GOLGA5: variants seen among roughly 807,000 people sequenced by gnomAD.
GOLGA5 encodes the protein golgin A5, also known as golgin subfamily A member 5.
GOLGA5 carries 50 observed loss-of-function variants against 93.5 expected under a neutral mutation model. The observed-to-expected ratio is 0.53, with a 90% CI of 0.43 to 0.68. The LOEUF (loss-of-function observed/expected upper bound fraction) is 0.68, where lower values mean the gene tolerates loss of function less well. Among genes scored for constraint, GOLGA5 ranks in the 30% least tolerant of loss-of-function variants. The pLI is 0.00. For missense variants in GOLGA5, 760 were observed against 856.4 expected (o/e 0.89, Z 1.40); for synonymous variants, 312 against 304.5 (o/e 1.02, Z -0.26).
Position 92,839,690 on chromosome 14 carries a change from C to T in GOLGA5, c.*244C>T. Reference sequence around the variant, plus strand: ...TCTGCTTTATCTGAGTTTAGTGGTCCTAATATATATGTAGAGAAAGATGGT... The same window carrying T: ...TCTGCTTTATCTGAGTTTAGTGGTCTTAATATATATGTAGAGAAAGATGGT... On this transcript the variant is annotated 3_prime_UTR_variant, in exon 13 of 13. Coordinates refer to ENST00000163416, the MANE Select transcript of GOLGA5 (RefSeq NM_005113.4). 1.8e-6 allele frequency: 1 copy of T among 546,306 alleles called. No homozygotes were observed. Among genetic ancestry groups the T allele is most frequent in the Admixed American group, 3.2e-5 (1 of 30,798 alleles). The allele number at this position is 546,306 out of a possible 1,614,324, so 33.8% of individuals were successfully genotyped here.
intron 6 of GOLGA5, 94 bp downstream of exon 6, chr14:92,811,848 T>A: frequency 1.1e-6 from 1 of 879,418 alleles, no homozygotes; most frequent in Non-Finnish European, 1.9e-6. Flanking sequence ...GGTGCTTTGT[T>A]CATGTTCGTC....
chr14:92,811,491 T>G lies in GOLGA5; in HGVS notation c.1117-60T>G, dbSNP rs994209838. The G allele has an allele frequency of 7.4e-5, 84 of 1,136,006 alleles. No individual in the cohort carries two copies. The East Asian group carries it at 1.9e-3, about 26-fold the overall frequency. 70.4% of individuals were successfully genotyped at this position (1,136,006 alleles called of 1,614,324 possible). ...CCCATAAGATATCCGAATGGATGGT[T>G]GTAAAATATGTTTCAAAGCTAAATG... On this transcript the variant is annotated intron_variant, in intron 5 of 12. Coordinates refer to ENST00000163416, the MANE Select transcript of GOLGA5 (RefSeq NM_005113.4).
intron 9 of GOLGA5, among the ~76,000 whole-genome samples, chr14:92,830,355 C>T (rs1050731039): frequency 6.6e-6 from 1 of 151,662 alleles, no homozygotes; most frequent in Non-Finnish European, 1.5e-5. Flanking sequence ...ATAGTCAACC[C>T]AACACAGAAT....
chr14:92,817,516 A>C (rs1885235087), intron 7 of GOLGA5, among the ~76,000 whole-genome samples: 2 of 152,218 alleles, frequency 1.3e-5, no homozygotes, highest in Admixed American at 1.3e-4. Context: ...ATGTATAATT[A>C]CTATATTTAA....
At chr14:92,796,011 T>C (rs1884718969) in intron 1 of GOLGA5, among the ~76,000 whole-genome samples, 1 of 152,260 alleles carries the variant, frequency 6.6e-6, no homozygotes, top group Non-Finnish European at 1.5e-5. Flanking sequence ...CTCAAATATA[T>C]GTATGGAATG....
rs140797887 is a variant in GOLGA5, at chr14:92,828,595, A to G, written c.1719+3951A>G. ...ATTGTTTATGAAATCATACCTGCCA[A>G]TACAATATCCATTTGGCAGCCCAAG... On this transcript the variant is annotated intron_variant, in intron 9 of 12. Transcript: ENST00000163416. Among the ~76,000 whole-genome samples, 10 of 152,350 alleles carry G rather than the reference A, an allele frequency of 6.6e-5. No individual in the cohort carries two copies. The East Asian group carries it at 1.3e-3, about 21-fold the overall frequency.
Position 92,797,892 on chromosome 14 carries a change from G to A in GOLGA5, c.455G>A (p.Ser152Asn). 1 of 1,612,582 alleles carries A rather than the reference G, an allele frequency of 6.2e-7. No homozygotes were observed. ...AAAGGCAAGACACCTGTCTTTCAGAGCTCTCAGACATCAAGTGTCAGTTCT... is the reference window on the plus strand; with the variant it reads ...AAAGGCAAGACACCTGTCTTTCAGAACTCTCAGACATCAAGTGTCAGTTCT... Reference protein sequence around the residue: ...KEKGKTPVFQSSQTSSVSSVN... With the variant: ...KEKGKTPVFQNSQTSSVSSVN... Residue 152 changes from serine to asparagine, a missense_variant, in exon 2 of 13, where the codon AGC becomes AAC. Coordinates refer to ENST00000163416, the MANE Select transcript of GOLGA5 (RefSeq NM_005113.4).
intron 12 of GOLGA5, 53 bp downstream of exon 12, chr14:92,837,502 TTTTTTTTGTTTG>T: frequency 2.9e-5 from 20 of 696,312 alleles, no homozygotes; most frequent in Middle Eastern, 2.4e-4. Context: ...TAACTAGTTT[TTTTTTTTGTTTG>T]TTTGTTTGTT....
chr14:92,828,517 T>G (rs1885464995), intron 9 of GOLGA5, among the ~76,000 whole-genome samples: 1 of 152,196 alleles, frequency 6.6e-6, no homozygotes. Context: ...AGAACTCTAA[T>G]AGAGCTGTAC....
Position 92,806,832 on chromosome 14 carries a change from C to T in GOLGA5, c.641C>T (p.Thr214Ile), listed in dbSNP as rs1318534847. 6.2e-7 allele frequency: 1 copy of T among 1,613,290 alleles called. No homozygotes were observed. The highest frequency in any genetic ancestry group is 1.3e-5 in the African/African-American group (1 of 75,028). The part of the protein sequence containing the change: ...SNAACPDHTP[T>I]PNDDGKSHEL... Reference sequence around the variant, plus strand: ...GCTGCCTGCCCTGACCACACCCCAACACCTAATGATGATGGCAAATCACAT... The same window carrying T: ...GCTGCCTGCCCTGACCACACCCCAATACCTAATGATGATGGCAAATCACAT... The change falls in exon 3 of 13, where the codon ACA becomes ATA. Residue 214 changes from threonine to isoleucine, a missense_variant. Physicochemically the swap from Thr to Ile is moderately conservative, Grantham distance 89. Coordinates refer to ENST00000163416, the MANE Select transcript of GOLGA5 (RefSeq NM_005113.4).
chr14:92,808,086 T>A (rs567389436), intron 3 of GOLGA5, among the ~76,000 whole-genome samples: 2 of 151,952 alleles, frequency 1.3e-5, no homozygotes, highest in Non-Finnish European at 2.9e-5. Context: ...ACAAAAAAAT[T>A]AGCTGGGCAT....
chr14:92,821,453 A>G (rs1173128455), intron 8 of GOLGA5, among the ~76,000 whole-genome samples: 2 of 152,190 alleles, frequency 1.3e-5, no homozygotes, highest in African/African-American at 4.8e-5. Flanking sequence ...TCAGAATAAG[A>G]TTCTATATCT....
intron 2 of GOLGA5, among the ~76,000 whole-genome samples, chr14:92,801,703 A>G (rs145376967): frequency 2.2e-4 from 32 of 148,028 alleles, no homozygotes; most frequent in African/African-American, 2.7e-4. Context: ...ATTGTCTTCT[A>G]TAGTGTGCGA....
chr14:92,816,364 G>A lies in GOLGA5; in HGVS notation c.1434G>A (p.Gln478=), dbSNP rs1209245126. 3.7e-6 allele frequency: 6 copies of A among 1,613,978 alleles called. No individual in the cohort carries two copies. The highest frequency in any genetic ancestry group is 1.3e-5 in the African/African-American group (1 of 74,926). Reference sequence around the variant, plus strand: ...AACTTCGGCATGAGAAAGAGATGCAGAGGGAGGAAATACAGAAGCTGATGG... The same window carrying A: ...AACTTCGGCATGAGAAAGAGATGCAAAGGGAGGAAATACAGAAGCTGATGG... ...LEELRHEKEM[Q]REEIQKLMGQ... Residue 478 remains glutamine, a synonymous_variant, in exon 7 of 13, where the codon CAG becomes CAA. Coordinates refer to ENST00000163416, the MANE Select transcript of GOLGA5 (RefSeq NM_005113.4).
chr14:92,799,547 G>A (rs1884817802), intron 2 of GOLGA5, among the ~76,000 whole-genome samples: 1 of 150,838 alleles, frequency 6.6e-6, no homozygotes, highest in African/African-American at 2.4e-5. Context: ...GCCTCCCAAA[G>A]TGCTGGGATT....
intron 9 of GOLGA5, among the ~76,000 whole-genome samples, chr14:92,831,511 GA>G (rs1885530197): frequency 6.6e-6 from 1 of 152,084 alleles, no homozygotes; most frequent in Non-Finnish European, 1.5e-5. Context: ...TCTGCTAATA[GA>G]AATCAGAATA....
intron 2 of GOLGA5, among the ~76,000 whole-genome samples, chr14:92,803,751 T>C (rs1016561707): frequency 6.6e-6 from 1 of 152,224 alleles, no homozygotes; most frequent in African/African-American, 2.4e-5. Flanking sequence ...CAAAAACCAA[T>C]GCTTGATCAT....
intron 2 of GOLGA5, among the ~76,000 whole-genome samples, chr14:92,804,863 G>T (rs976130639): frequency 1.3e-5 from 2 of 151,502 alleles, no homozygotes; most frequent in African/African-American, 4.9e-5. Flanking sequence ...GGCCAGGCTG[G>T]TCTCAAACTC....
chr14:92,835,903 A>G (rs987769100), intron 11 of GOLGA5, among the ~76,000 whole-genome samples: 11 of 149,790 alleles, frequency 7.3e-5, no homozygotes, highest in South Asian at 2.1e-4. Flanking sequence ...AGGTCTGCCA[A>G]TGCCTACATT....
Sources: allele counts gnomAD v4.1 joint callset (sites outside exome capture counted in the v4.1 genomes callset), GRCh38; gene constraint gnomAD v4.1.1; transcripts MANE v1.5; gene names NCBI Gene and HGNC (gene_info 2026-07-23, HGNC 2026-07-21).